The following SEMA3D variants were observed in gnomAD, a reference collection of about 807,000 sequenced individuals.
The protein encoded by SEMA3D is semaphorin-3D.
In SEMA3D, 84 loss-of-function variants were observed where a neutral mutation model predicts 100.1. The ratio of observed to expected loss-of-function variants is 0.84; its 90% CI spans 0.70 to 1.01. The LOEUF (loss-of-function observed/expected upper bound fraction) is 1.01. Among genes scored for constraint, SEMA3D ranks in the 50% least tolerant of loss-of-function variants. The pLI is 0.00. For synonymous variants in SEMA3D, 312 were observed against 320.7 expected, an observed-to-expected ratio of 0.97 and a Z score of 0.29; for missense variants, 875 against 934.1, an observed-to-expected ratio of 0.94 and a Z score of 0.82.
At chr7:85,008,008 C>T (rs1242830872) in intron 17 of SEMA3D, among the ~76,000 whole-genome samples, 1 of 151,812 alleles carries the variant, frequency 6.6e-6, no homozygotes, top group East Asian at 1.9e-4. Context: ...ATCTAACCTT[C>T]AAAATGTGTG....
chr7:85,176,793 T>TAGAG (rs71297126), intron 1 of SEMA3D, among the ~76,000 whole-genome samples: 4,698 of 149,914 alleles, frequency 0.031, 104 homozygotes, highest in South Asian at 0.053. Context: ...TATATATATA[T>TAGAG]AGAGAGAGAG....
At chr7:85,237,472 A>G in the SEMA3D span, among the ~76,000 whole-genome samples, 1 of 152,166 alleles carries the variant, frequency 6.6e-6, no homozygotes, top group Non-Finnish European at 1.5e-5. Context: ...ACCTGTGGCA[A>G]CCACTAATAT....
At chr7:85,111,748 A>G (rs779220447) in intron 3 of SEMA3D, among the ~76,000 whole-genome samples, 6 of 152,060 alleles carry the variant, frequency 3.9e-5, no homozygotes, top group Non-Finnish European at 8.8e-5. Flanking sequence ...AAATGCCAGC[A>G]GTAGAAGATC....
At chr7:85,169,607 C>G (rs1262207730) in intron 1 of SEMA3D, among the ~76,000 whole-genome samples, 1 of 151,744 alleles carries the variant, frequency 6.6e-6, no homozygotes, top group Admixed American at 6.6e-5. Context: ...TTTTGGATAT[C>G]TTTGATTGAG....
the SEMA3D span, among the ~76,000 whole-genome samples, chr7:85,200,393 G>A: frequency 6.6e-6 from 1 of 152,148 alleles, no homozygotes; most frequent in Non-Finnish European, 1.5e-5. Context: ...GTTGGAACTG[G>A]AGCAAAGGTG....
intron 3 of SEMA3D, among the ~76,000 whole-genome samples, chr7:85,102,739 G>A (rs1477850854): frequency 1.3e-5 from 2 of 151,946 alleles, no homozygotes; most frequent in Non-Finnish European, 2.9e-5. Flanking sequence ...CCTGAATTAC[G>A]GCAATGAGAG....
At chr7:85,039,387 A>G (rs1790791988) in intron 11 of SEMA3D, among the ~76,000 whole-genome samples, 1 of 152,076 alleles carries the variant, frequency 6.6e-6, no homozygotes, top group Admixed American at 6.6e-5. Context: ...CCTCCTGAGT[A>G]GCTAGGATTA....
At chr7:85,077,879 CA>C (rs984791159) in intron 5 of SEMA3D, among the ~76,000 whole-genome samples, 2 of 152,046 alleles carry the variant, frequency 1.3e-5, no homozygotes, top group Non-Finnish European at 2.9e-5. Flanking sequence ...ACAATATTTA[CA>C]TAAAATTTTT....
chr7:85,203,635 T>C, the SEMA3D span, among the ~76,000 whole-genome samples: 1 of 152,166 alleles, frequency 6.6e-6, no homozygotes, highest in Non-Finnish European at 1.5e-5. Flanking sequence ...TGTGAGAATG[T>C]CAGCAGTGTT....
chr7:85,059,992 A>C (rs1791429248), intron 8 of SEMA3D, among the ~76,000 whole-genome samples: 1 of 152,244 alleles, frequency 6.6e-6, no homozygotes, highest in Non-Finnish European at 1.5e-5. Flanking sequence ...CAGAAATTTC[A>C]GTATGACATC....
At chr7:85,151,436 T>TA (rs899962095) in intron 2 of SEMA3D, among the ~76,000 whole-genome samples, 1 of 152,034 alleles carries the variant, frequency 6.6e-6, no homozygotes, top group Non-Finnish European at 1.5e-5. Context: ...GTGATACTCT[T>TA]AAAAAACAGT....
At chr7:85,087,485 C>T (rs1465550411) in intron 4 of SEMA3D, among the ~76,000 whole-genome samples, 2 of 152,106 alleles carry the variant, frequency 1.3e-5, no homozygotes, top group East Asian at 1.9e-4. Context: ...TCCAGAAGAA[C>T]CTAAGAATTC....
intron 12 of SEMA3D, chr7:85,029,262 T>C: frequency 1.2e-6 from 1 of 803,978 alleles, no homozygotes; most frequent in Admixed American, 1.7e-5. Flanking sequence ...CAATGTCTAC[T>C]CTCACTGATG....
chr7:85,158,146 G>A (rs1790649474), intron 1 of SEMA3D, among the ~76,000 whole-genome samples: 1 of 152,072 alleles, frequency 6.6e-6, no homozygotes, highest in African/African-American at 2.4e-5. Flanking sequence ...TATGAAATCT[G>A]GGCACCTTGA....
At chr7:85,208,681 T>C in the SEMA3D span, among the ~76,000 whole-genome samples, 1 of 152,046 alleles carries the variant, frequency 6.6e-6, no homozygotes, top group African/African-American at 2.4e-5. Flanking sequence ...TAAGCTTCTC[T>C]GCACTCACCT....
At chr7:85,055,673 TATATATATATATG>T in intron 9 of SEMA3D, 31 bp downstream of exon 9, 3 of 252,934 alleles carry the variant, frequency 1.2e-5, no homozygotes, top group Non-Finnish European at 1.3e-5. Context: ...TATATATATA[TATATATATATATG>T]TTTTAAGTAA....
chr7:84,999,987 CTG>C, intron 18 of SEMA3D, 122 bp from the exon 19 acceptor site: 2 of 795,706 alleles, frequency 2.5e-6, no homozygotes, highest in Non-Finnish European at 1.9e-6. Context: ...CTCTCTGTCT[CTG>C]TCATCAAGCA....
intron 9 of SEMA3D, among the ~76,000 whole-genome samples, chr7:85,048,474 A>T (rs1271006903): frequency 6.6e-6 from 1 of 151,866 alleles, no homozygotes; most frequent in African/African-American, 2.4e-5. Flanking sequence ...TAAGCCCCCA[A>T]GAGACTCATT....
At chr7:85,182,675 G>A (rs543864104) in intron 1 of SEMA3D, among the ~76,000 whole-genome samples, 2 of 152,258 alleles carry the variant, frequency 1.3e-5, no homozygotes, top group Admixed American at 6.5e-5. Context: ...TGGAGAAAGG[G>A]AATTGCTTTA....
Sources: allele counts gnomAD v4.1 joint callset (sites outside exome capture counted in the v4.1 genomes callset), GRCh38; gene constraint gnomAD v4.1.1; transcripts MANE v1.5; gene names NCBI Gene and HGNC (gene_info 2026-07-23, HGNC 2026-07-21).